PPARGC1A: variants seen among roughly 807,000 people sequenced by gnomAD.
The protein encoded by PPARGC1A is peroxisome proliferator-activated receptor gamma coactivator 1-alpha.
PPARGC1A carries 25 observed loss-of-function variants against 88.7 expected under a neutral mutation model. The observed-to-expected ratio is 0.28, with a 90% confidence interval of 0.21 to 0.39. PPARGC1A has a LOEUF of 0.39. PPARGC1A is among the 10% of genes least tolerant of loss of function. PPARGC1A has a pLI of 1.00. For missense variants in PPARGC1A, 880 were observed against 968.7 expected (o/e 0.91, Z 1.22); for synonymous variants, 363 against 355.6 (o/e 1.02, Z -0.24).
chr4:24,143,943 A>G, the PPARGC1A span, among the ~76,000 whole-genome samples: 1 of 152,168 alleles, frequency 6.6e-6, no homozygotes, highest in Non-Finnish European at 1.5e-5. Context: ...TAGCAGCAAA[A>G]CTGGTTTTCT....
At chr4:24,015,065 G>A in the PPARGC1A span, among the ~76,000 whole-genome samples, 1 of 152,130 alleles carries the variant, frequency 6.6e-6, no homozygotes, top group African/African-American at 2.4e-5. Context: ...AATGGGTGGA[G>A]AAGGCAGGCA....
At chr4:24,206,239 A>G in the PPARGC1A span, among the ~76,000 whole-genome samples, 1 of 152,214 alleles carries the variant, frequency 6.6e-6, no homozygotes, top group African/African-American at 2.4e-5. Context: ...TAGGCAAATG[A>G]TGAAAGTATG....
At chr4:24,232,147 A>G in the PPARGC1A span, among the ~76,000 whole-genome samples, 4 of 152,004 alleles carry the variant, frequency 2.6e-5, no homozygotes, top group Admixed American at 2.0e-4. Flanking sequence ...TGGATTAGGC[A>G]GCTATCATGA....
the PPARGC1A span, among the ~76,000 whole-genome samples, chr4:23,937,428 T>C: frequency 1.3e-5 from 2 of 152,000 alleles, no homozygotes; most frequent in East Asian, 1.9e-4. Context: ...AAGCCAGAGG[T>C]AGAACTGTGG....
intron 2 of PPARGC1A, among the ~76,000 whole-genome samples, chr4:23,838,121 G>A (rs1156771870): frequency 6.6e-6 from 1 of 152,170 alleles, no homozygotes; most frequent in Non-Finnish European, 1.5e-5. Flanking sequence ...TTCACTGCAT[G>A]TGTCTACTTA....
the PPARGC1A span, among the ~76,000 whole-genome samples, chr4:24,092,439 T>C: frequency 1.3e-5 from 2 of 152,112 alleles, no homozygotes; most frequent in African/African-American, 4.8e-5. Flanking sequence ...ACCCAAGACA[T>C]TGGGAATTTT....
chr4:24,045,041 C>T, the PPARGC1A span, among the ~76,000 whole-genome samples: 6 of 152,118 alleles, frequency 3.9e-5, no homozygotes, highest in Non-Finnish European at 7.4e-5. Flanking sequence ...CCTAATTTCC[C>T]TGGGTGGTAC....
At chr4:24,440,670 C>A in the PPARGC1A span, among the ~76,000 whole-genome samples, 2 of 152,048 alleles carry the variant, frequency 1.3e-5, no homozygotes, top group African/African-American at 4.8e-5. Flanking sequence ...GGCATGGTGG[C>A]ACATGCCTGT....
the PPARGC1A span, among the ~76,000 whole-genome samples, chr4:24,413,101 A>G: frequency 3.3e-5 from 5 of 152,242 alleles, no homozygotes; most frequent in Non-Finnish European, 7.4e-5. Flanking sequence ...TTTCCCAGAC[A>G]TTTTAGCATT....
At chr4:24,092,874 C>T in the PPARGC1A span, among the ~76,000 whole-genome samples, 4 of 152,202 alleles carry the variant, frequency 2.6e-5, no homozygotes, top group Admixed American at 6.5e-5. Flanking sequence ...TTGCCAGCCT[C>T]GAAATGTATT....
At chr4:24,316,530 G>C in the PPARGC1A span, among the ~76,000 whole-genome samples, 4 of 152,160 alleles carry the variant, frequency 2.6e-5, no homozygotes, top group African/African-American at 9.7e-5. Context: ...ATAAGAATAA[G>C]GTTTTTAAAA....
At chr4:23,908,178 T>C (rs990494473), upstream of PPARGC1A, among the ~76,000 whole-genome samples, 4 of 152,248 alleles carry the variant, frequency 2.6e-5, no homozygotes, top group Non-Finnish European at 5.9e-5. Flanking sequence ...AGCGACAGTG[T>C]CTGCATTTTC....
the PPARGC1A span, among the ~76,000 whole-genome samples, chr4:24,185,765 CT>C: frequency 6.6e-6 from 1 of 151,636 alleles, no homozygotes; most frequent in Non-Finnish European, 1.5e-5. Flanking sequence ...TTAGGTATAT[CT>C]CCCAATGCTA....
upstream of PPARGC1A, among the ~76,000 whole-genome samples, chr4:23,907,283 T>C (rs1720157678): frequency 6.6e-6 from 1 of 152,188 alleles, no homozygotes; most frequent in Non-Finnish European, 1.5e-5. Flanking sequence ...GCAATGAAAG[T>C]TGCATGCATT....
the PPARGC1A span, among the ~76,000 whole-genome samples, chr4:24,320,590 G>A: frequency 6.6e-6 from 1 of 152,068 alleles, no homozygotes; most frequent in Non-Finnish European, 1.5e-5. Flanking sequence ...GTATTTTAAC[G>A]GGTAACGAAT....
chr4:24,168,628 A>ACAC, the PPARGC1A span, among the ~76,000 whole-genome samples: 4 of 148,260 alleles, frequency 2.7e-5, no homozygotes, highest in African/African-American at 1.0e-4. Flanking sequence ...CACACACACA[A>ACAC]ACACACAGAC....
chr4:24,200,837 A>G, the PPARGC1A span, among the ~76,000 whole-genome samples: 1 of 152,172 alleles, frequency 6.6e-6, no homozygotes, highest in Non-Finnish European at 1.5e-5. Context: ...AAAGACAGAT[A>G]TATTTTATAT....
the PPARGC1A span, among the ~76,000 whole-genome samples, chr4:24,424,432 T>A: frequency 2.6e-5 from 4 of 151,690 alleles, no homozygotes; most frequent in Non-Finnish European, 5.9e-5. Context: ...CCCGCCACCA[T>A]GCCCGGCTAA....
the PPARGC1A span, among the ~76,000 whole-genome samples, chr4:24,446,045 A>G: frequency 9.2e-5 from 14 of 152,176 alleles, no homozygotes; most frequent in Non-Finnish European, 1.6e-4. Context: ...CAGCCTGCAC[A>G]TCAGAGCAAG....
Sources: allele counts gnomAD v4.1 joint callset (sites outside exome capture counted in the v4.1 genomes callset), GRCh38; gene constraint gnomAD v4.1.1; transcripts MANE v1.5; gene names NCBI Gene and HGNC (gene_info 2026-07-23, HGNC 2026-07-21).